Variants in RIMBP2 observed in about 807,000 individuals in gnomAD.
The protein encoded by RIMBP2 is RIMS-binding protein 2.
In RIMBP2, 48 loss-of-function variants were observed where a neutral mutation model predicts 118.6. The observed-to-expected ratio is 0.40, with a 90% CI of 0.32 to 0.51. The LOEUF is 0.51. Ranked by LOEUF, RIMBP2 falls within the 20% of genes least tolerant of loss-of-function variation. RIMBP2 has a pLI of 0.41. For missense variants in RIMBP2, 1,551 were observed against 1,768.3 expected, an observed-to-expected ratio of 0.88 and a Z score of 2.20; for synonymous variants, 762 against 742.9, an observed-to-expected ratio of 1.03 and a Z score of -0.42.
chr12:130,411,373 G>C (rs1382841573), intron 19 of RIMBP2, among the ~76,000 whole-genome samples: 2 of 152,094 alleles, frequency 1.3e-5, no homozygotes, highest in African/African-American at 4.8e-5. Flanking sequence ...CCCTGGTTAT[G>C]ACCTCCAGTA....
rs555551243 is a variant in RIMBP2 at position 130,711,889 on chromosome 12, G to A, written c.-352+4333C>T. Among the ~76,000 whole-genome samples the A allele has an allele frequency of 1.4e-4, 22 of 152,328 alleles. 1 individual carries two copies. In the South Asian group the frequency reaches 4.1e-3, roughly 29 times the overall value. ...GCCCGGGCCGCACAGCCTCCTCCAC[G>A]CCCTGGCTCGATGGGCAAGCCCATT... is the stretch of plus-strand genomic sequence containing the variant. On this transcript the variant is annotated intron_variant, in intron 1 of 22. Transcript: ENST00000690449.
chr12:130,680,636 G>T (rs1276130518), intron 1 of RIMBP2, among the ~76,000 whole-genome samples: 1 of 152,240 alleles, frequency 6.6e-6, no homozygotes, highest in Non-Finnish European at 1.5e-5. Context: ...ATACACACAG[G>T]AAGCATTTGG....
intron 4 of RIMBP2, among the ~76,000 whole-genome samples, chr12:130,484,433 C>T (rs1030298264): frequency 1.3e-5 from 2 of 152,238 alleles, no homozygotes; most frequent in African/African-American, 4.8e-5. Context: ...GGTGGCCGCC[C>T]GGCCCCTCCT....
intron 1 of RIMBP2, among the ~76,000 whole-genome samples, chr12:130,676,808 G>T (rs953508108): frequency 1.3e-5 from 2 of 152,138 alleles, no homozygotes; most frequent in South Asian, 2.1e-4. Flanking sequence ...CATGTGGCCT[G>T]CAGGGAGAGG....
intron 2 of RIMBP2, among the ~76,000 whole-genome samples, chr12:130,614,595 C>T (rs2060780178): frequency 6.6e-6 from 1 of 151,980 alleles, no homozygotes. Flanking sequence ...GAAATTGATT[C>T]CACAAAATAA....
At chr12:130,715,216 C>A (rs1200134216) in intron 1 of RIMBP2, among the ~76,000 whole-genome samples, 1 of 152,244 alleles carries the variant, frequency 6.6e-6, no homozygotes, top group African/African-American at 2.4e-5. Context: ...AAATATGGGG[C>A]TGGACAGGGT....
chr12:130,671,473 T>C (rs2064192753), intron 1 of RIMBP2, among the ~76,000 whole-genome samples: 1 of 152,236 alleles, frequency 6.6e-6, no homozygotes, highest in Admixed American at 6.5e-5. Flanking sequence ...ACCACTGGGA[T>C]TTAAGCCGCA....
chr12:130,649,717 C>T (rs1379669783), intron 1 of RIMBP2, among the ~76,000 whole-genome samples: 1 of 152,162 alleles, frequency 6.6e-6, no homozygotes, highest in African/African-American at 2.4e-5. Flanking sequence ...GAGATCCTCT[C>T]AGCCCTGAGA....
intron 1 of RIMBP2, among the ~76,000 whole-genome samples, chr12:130,692,824 A>AATGGG (rs1224550349): frequency 4.9e-5 from 6 of 122,582 alleles, no homozygotes; most frequent in East Asian, 2.9e-4. Context: ...GGATGGGTGG[A>AATGGG]ATGGGATGGG....
intron 2 of RIMBP2, among the ~76,000 whole-genome samples, chr12:130,528,420 G>A (rs1461155568): frequency 6.6e-6 from 1 of 152,156 alleles, no homozygotes; most frequent in African/African-American, 2.4e-5. Flanking sequence ...TGGACATAGG[G>A]AGGGGAACAA....
At chr12:130,573,655 G>A (rs2057869455) in intron 2 of RIMBP2, among the ~76,000 whole-genome samples, 1 of 152,156 alleles carries the variant, frequency 6.6e-6, no homozygotes, top group Non-Finnish European at 1.5e-5. Context: ...CTGGGGGGGT[G>A]ATGGCTGTGT....
intron 14 of RIMBP2, chr12:130,428,552 G>A (rs747527169): frequency 8.4e-5 from 36 of 429,334 alleles, no homozygotes; most frequent in East Asian, 2.5e-4. Context: ...TGGGATCAGC[G>A]CAGGTCTCTC....
intron 1 of RIMBP2, among the ~76,000 whole-genome samples, chr12:130,712,504 C>A (rs77234486): frequency 6.6e-6 from 1 of 152,170 alleles, no homozygotes; most frequent in African/African-American, 2.4e-5. Flanking sequence ...TCCACCTGCA[C>A]GTCCTGTCCC....
At position 130,450,123 on chromosome 12, in the gene RIMBP2, C is replaced by G. The variant is rs531416431; in HGVS notation, c.581+77G>C. On this transcript the variant is annotated intron_variant, in intron 9 of 22. Coordinates refer to ENST00000690449, the MANE Select transcript of RIMBP2 (RefSeq NM_001393629.1). The surrounding 1 kb of genome is among the most constrained non-coding windows in gnomAD (Gnocchi z 4.8). ...CCTGGGAGAAGGGAACTTCTCAGACCCCAGAGTGTTCCCAGACCCAACATC... is the reference window on the plus strand; with the variant it reads ...CCTGGGAGAAGGGAACTTCTCAGACGCCAGAGTGTTCCCAGACCCAACATC... 2.1e-6 allele frequency: 2 copies of G among 941,268 alleles called. No homozygotes were observed. The highest frequency in any genetic ancestry group is 1.4e-5 in the South Asian group (1 of 72,044). 58.3% of individuals were successfully genotyped at this position (941,268 alleles called of 1,614,324 possible).
chr12:130,414,086 A>G lies in RIMBP2; in HGVS notation c.3420+39T>C, dbSNP rs772765085. 5 of 1,606,128 alleles carry G rather than the reference A, an allele frequency of 3.1e-6. No individual in the cohort carries two copies. In the South Asian group the frequency reaches 4.4e-5, roughly 14 times the overall value. ...TGCCCCCATGACCCAGACCCGCCTC[A>G]GGGGCTGATGAAGCCGCCCGCAGGC... On this transcript the variant is annotated intron_variant, in intron 18 of 22. Coordinates refer to ENST00000690449, the MANE Select transcript of RIMBP2 (RefSeq NM_001393629.1).
chr12:130,510,121 G>A lies in RIMBP2; in HGVS notation c.-126-3351C>T, dbSNP rs992113486. On this transcript the variant is annotated intron_variant, in intron 3 of 22. Coordinates refer to ENST00000690449, the MANE Select transcript of RIMBP2 (RefSeq NM_001393629.1). ...ACCTCCAACCTGCGGACAGGCTGCC[G>A]TTCCAGTGTGAACCTGGAAAGAAAT... Among the ~76,000 whole-genome samples, 11 of 152,334 alleles carry A rather than the reference G, an allele frequency of 7.2e-5. No individual in the cohort carries two copies. The East Asian group carries it at 1.5e-3, about 21-fold the overall frequency.
intron 2 of RIMBP2, among the ~76,000 whole-genome samples, chr12:130,593,868 C>G (rs1164778515): frequency 6.6e-6 from 1 of 152,216 alleles, no homozygotes; most frequent in Non-Finnish European, 1.5e-5. Flanking sequence ...CTTTCCATCT[C>G]CTTTCCCAAT....
chr12:130,536,827 CG>C, intron 2 of RIMBP2, among the ~76,000 whole-genome samples: 1 of 152,134 alleles, frequency 6.6e-6, no homozygotes, highest in South Asian at 2.1e-4. Context: ...ACCAGGTGAC[CG>C]TGGTTGACAG....
At chr12:130,604,510 C>G (rs1244688505) in intron 2 of RIMBP2, among the ~76,000 whole-genome samples, 1 of 143,266 alleles carries the variant, frequency 7.0e-6, no homozygotes. Context: ...CACTCACTCA[C>G]TCACTCACCA....
Sources: gnomAD v4.1 joint callset for allele counts (sites outside exome capture counted in the v4.1 genomes callset) on GRCh38, gnomAD v4.1.1 for gene constraint, Gnocchi (gnomAD v3.1) non-coding constraint, MANE v1.5 for transcripts, NCBI Gene and HGNC (gene_info 2026-07-23, HGNC 2026-07-21) for gene names.